FAM227B: variants seen among roughly 807,000 people sequenced by gnomAD.
FAM227B encodes family with sequence similarity 227 member B.
In FAM227B, 88 loss-of-function variants were observed where a neutral mutation model predicts 73.8. The observed-to-expected ratio is 1.19, with a 90% CI of 1.00 to 1.42. The LOEUF (loss-of-function observed/expected upper bound fraction) is 1.42, where lower values mean the gene tolerates loss of function less well. Ranked by LOEUF, FAM227B falls within the 40% of genes most tolerant of loss-of-function variation. The pLI is 0.00. For missense variants in FAM227B, 632 were observed against 590.9 expected (o/e 1.07, Z -0.72); for synonymous variants, 210 against 190.5 (o/e 1.10, Z -0.84).
At chr15:49,411,766 T>C (rs1271213051) in intron 11 of FAM227B, among the ~76,000 whole-genome samples, 1 of 152,146 alleles carries the variant, frequency 6.6e-6, no homozygotes, top group Non-Finnish European at 1.5e-5. Context: ...ATTTGGAATC[T>C]CTCAATTCAG....
At chr15:49,523,553 CA>C (rs1357924270) in intron 10 of FAM227B, among the ~76,000 whole-genome samples, 1 of 152,114 alleles carries the variant, frequency 6.6e-6, no homozygotes, top group Admixed American at 6.5e-5. Flanking sequence ...AGCACAAAAG[CA>C]GACTAATTCA....
chr15:49,584,418 G>A (rs768181702), intron 5 of FAM227B, among the ~76,000 whole-genome samples: 3 of 151,902 alleles, frequency 2.0e-5, no homozygotes, highest in Non-Finnish European at 4.4e-5. Context: ...ATAATAAATA[G>A]GCAAAAGCTG....
At chr15:49,359,479 C>T (rs1402619191) in intron 13 of FAM227B, among the ~76,000 whole-genome samples, 4 of 119,024 alleles carry the variant, frequency 3.4e-5, no homozygotes, top group African/African-American at 1.3e-4. Context: ...CCAAAAAACA[C>T]ATGAAAAAAT....
chr15:49,404,951 T>G (rs2048417671), intron 11 of FAM227B, among the ~76,000 whole-genome samples: 1 of 152,324 alleles, frequency 6.6e-6, no homozygotes, highest in East Asian at 1.9e-4. Flanking sequence ...GTTCTGGTGG[T>G]AACTAATTCC....
chr15:49,508,944 A>T (rs1292017051), intron 10 of FAM227B, among the ~76,000 whole-genome samples: 1 of 152,160 alleles, frequency 6.6e-6, no homozygotes, highest in Non-Finnish European at 1.5e-5. Context: ...GAGTAGGGGG[A>T]TGTCATGCCA....
At chr15:49,424,240 T>A (rs2049932513) in intron 11 of FAM227B, 1 of 1,476,988 alleles carries the variant, frequency 6.8e-7, no homozygotes, top group Non-Finnish European at 9.3e-7. Context: ...GGAGTAACAA[T>A]CAACTCAAGA....
intron 11 of FAM227B, among the ~76,000 whole-genome samples, chr15:49,404,766 T>C (rs1273297562): frequency 6.6e-6 from 1 of 152,084 alleles, no homozygotes; most frequent in African/African-American, 2.4e-5. Flanking sequence ...TTTACATTCA[T>C]GGTTAGTATT....
At chr15:49,595,486 T>C (rs935270850) in intron 3 of FAM227B, among the ~76,000 whole-genome samples, 1 of 152,042 alleles carries the variant, frequency 6.6e-6, no homozygotes, top group African/African-American at 2.4e-5. Context: ...CTGGGTTGAA[T>C]AGAAGTGGTG....
chr15:49,506,879 A>G (rs1167263707), intron 11 of FAM227B, among the ~76,000 whole-genome samples: 3 of 152,098 alleles, frequency 2.0e-5, no homozygotes, highest in Non-Finnish European at 4.4e-5. Context: ...CAAGCAAAAT[A>G]TAAATAATTG....
intron 11 of FAM227B, among the ~76,000 whole-genome samples, chr15:49,409,505 C>CTA (rs1304890784): frequency 4.0e-5 from 6 of 149,040 alleles, no homozygotes; most frequent in Non-Finnish European, 7.4e-5. Context: ...CTCTCTCTTT[C>CTA]TATATATATA....
chr15:49,382,782 C>G (rs2046627279), intron 11 of FAM227B, among the ~76,000 whole-genome samples: 1 of 152,056 alleles, frequency 6.6e-6, no homozygotes, highest in South Asian at 2.1e-4. Flanking sequence ...AGATGGAGCT[C>G]TCCTTTTTTA....
chr15:49,563,765 G>T (rs1380471074), intron 9 of FAM227B, among the ~76,000 whole-genome samples: 1 of 152,186 alleles, frequency 6.6e-6, no homozygotes, highest in African/African-American at 2.4e-5. Flanking sequence ...AATAAATGGT[G>T]TTGGGGTAAC....
chr15:49,551,202 G>C (rs1194340344), intron 9 of FAM227B, among the ~76,000 whole-genome samples: 1 of 152,210 alleles, frequency 6.6e-6, no homozygotes, highest in Non-Finnish European at 1.5e-5. Context: ...GAATCAGGCA[G>C]GGAGGTTGCA....
At chr15:49,579,371 C>T (rs766091613) in intron 5 of FAM227B, among the ~76,000 whole-genome samples, 4 of 152,078 alleles carry the variant, frequency 2.6e-5, no homozygotes, top group East Asian at 1.9e-4. Context: ...ACACTATTCA[C>T]GATAGCTAAG....
intron 11 of FAM227B, among the ~76,000 whole-genome samples, chr15:49,390,905 G>A (rs1596796681): frequency 6.6e-6 from 1 of 151,804 alleles, no homozygotes; most frequent in East Asian, 1.9e-4. Flanking sequence ...CCTAACAACC[G>A]AGACACTGCT....
intron 11 of FAM227B, chr15:49,434,527 T>G (rs1298107360): frequency 6.6e-6 from 1 of 151,504 alleles, no homozygotes; most frequent in Non-Finnish European, 1.5e-5. Flanking sequence ...GGACAAAAGA[T>G]AGAGGACAGA....
intron 1 of FAM227B, among the ~76,000 whole-genome samples, chr15:49,617,776 T>TGTG (rs2078384811): frequency 4.1e-5 from 6 of 148,114 alleles, no homozygotes; most frequent in Non-Finnish European, 6.0e-5. Flanking sequence ...CTTTCATGTT[T>TGTG]TGTGTGTGTG....
At chr15:49,510,456 T>C (rs2058908531) in intron 10 of FAM227B, among the ~76,000 whole-genome samples, 1 of 152,112 alleles carries the variant, frequency 6.6e-6, no homozygotes, top group African/African-American at 2.4e-5. Flanking sequence ...ATAATTAACT[T>C]AGCTCCAAAC....
At chr15:49,479,279 C>T (rs1332429720) in intron 11 of FAM227B, among the ~76,000 whole-genome samples, 3 of 152,026 alleles carry the variant, frequency 2.0e-5, no homozygotes, top group Non-Finnish European at 4.4e-5. Context: ...TGAACTCTAC[C>T]ATTATGCTAT....
Sources: gnomAD v4.1 joint callset for allele counts (sites outside exome capture counted in the v4.1 genomes callset) on GRCh38, gnomAD v4.1.1 for gene constraint, MANE v1.5 for transcripts, NCBI Gene and HGNC (gene_info 2026-07-23, HGNC 2026-07-21) for gene names.